Variants in BRAP observed in about 807,000 individuals in gnomAD.
BRAP encodes the protein BRCA1 associated protein.
Under a neutral mutation model 73.4 loss-of-function variants are expected in BRAP, and 42 were observed. The observed-to-expected ratio is 0.57, with a 90% confidence interval of 0.45 to 0.74. The LOEUF (loss-of-function observed/expected upper bound fraction) is 0.74, where lower values mean the gene tolerates loss of function less well. BRAP is among the 30% of genes least tolerant of loss of function. The pLI is 0.00. For missense variants in BRAP, 593 were observed against 751.4 expected (o/e 0.79, Z 2.46); for synonymous variants, 255 against 267.4 (o/e 0.95, Z 0.45).
chr12:111,663,631 T>A (rs1458204141), intron 6 of BRAP, among the ~76,000 whole-genome samples: 1 of 152,134 alleles, frequency 6.6e-6, no homozygotes, highest in Non-Finnish European at 1.5e-5. Flanking sequence ...TGAGTACCCC[T>A]GGTTGGGGAT....
chr12:111,659,416 G>C, intron 7 of BRAP, 71 bp from the exon 8 acceptor site: 1 of 1,452,706 alleles, frequency 6.9e-7, no homozygotes, highest in Non-Finnish European at 9.3e-7. Flanking sequence ...ATGGCTCGGA[G>C]GCCGAGGCAG....
In BRAP at chr12:111,653,905, T is replaced by C. The variant is rs1290003988; in HGVS notation, c.1311+1661A>G. Among the ~76,000 whole-genome samples, 3 of 152,362 alleles carry C rather than the reference T, an allele frequency of 2.0e-5. No homozygotes were observed. In the East Asian group the frequency reaches 5.8e-4, roughly 29 times the overall value. On this transcript the variant is annotated intron_variant, in intron 10 of 11. Coordinates refer to ENST00000419234, the MANE Select transcript of BRAP (RefSeq NM_006768.5). ...TTTAGAGCTGCTCTGGCTTCCATTT[T>C]ACCCTGACCTAAAAGCAAACATAAG...
intron 9 of BRAP, 89 bp downstream of exon 9, chr12:111,658,647 T>A (rs1195681666): frequency 5.6e-6 from 6 of 1,078,346 alleles, no homozygotes; most frequent in Admixed American, 5.1e-5. Flanking sequence ...AAAAAAAAAA[T>A]GTACATCCAG....
chr12:111,681,229 G>A (rs1239507818), intron 3 of BRAP, among the ~76,000 whole-genome samples: 1 of 152,076 alleles, frequency 6.6e-6, no homozygotes, highest in Non-Finnish European at 1.5e-5. Flanking sequence ...AATTAGCTAG[G>A]TGTGGTGGTG....
rs1343986667 is a variant in BRAP at position 111,685,864 on chromosome 12, G to A, written c.-72C>T. 7.6e-6 allele frequency: 9 copies of A among 1,177,868 alleles called. No individual in the cohort carries two copies. In the South Asian group the frequency reaches 1.6e-4, roughly 21 times the overall value. 73.0% of individuals were successfully genotyped at this position (1,177,868 alleles called of 1,614,324 possible). A position where few individuals can be genotyped will look rare whatever the true frequency, so the allele number is the denominator to read the frequency against. ...TGGAAGGCGAGCCGAGAGGCCGAGCGGCCCGGGGCCGGCAGCGCCGCCACC... is the reference window on the plus strand; with the variant it reads ...TGGAAGGCGAGCCGAGAGGCCGAGCAGCCCGGGGCCGGCAGCGCCGCCACC... On this transcript the variant is annotated 5_prime_UTR_variant, in exon 1 of 12. Coordinates refer to ENST00000419234, the MANE Select transcript of BRAP (RefSeq NM_006768.5).
intron 9 of BRAP, among the ~76,000 whole-genome samples, chr12:111,658,023 C>T (rs1198340550): frequency 6.6e-6 from 1 of 151,942 alleles, no homozygotes; most frequent in African/African-American, 2.4e-5. Context: ...ACTGCAACCC[C>T]TGCCTCCCAG....
chr12:111,661,441 A>G (rs10774634), intron 6 of BRAP, among the ~76,000 whole-genome samples: 54,451 of 151,670 alleles, frequency 0.36, 14,290 homozygotes, highest in East Asian at 0.9. Flanking sequence ...CACCACGCCC[A>G]GCTAATTTTG....
chr12:111,669,949 G>A (rs1446023352), intron 5 of BRAP: 1 of 629,410 alleles, frequency 1.6e-6, no homozygotes, highest in East Asian at 3.0e-5. Flanking sequence ...TATTGAAGGA[G>A]TTTGGTCCAG....
chr12:111,658,809 T>A lies in BRAP; in HGVS notation c.1148A>T (p.Asp383Val), dbSNP rs1170745971. ...ACATTCATACTGTACTATTTTTCCA[T>A]CTGTTTTACTTGCAACCAGTCGATG... is the stretch of plus-strand genomic sequence containing the variant. ...YVHRLVASKT[D>V]GKIVQYECEG... is the part of the protein sequence containing the mutation. The change falls in exon 9 of 12, where the codon GAT (aspartate) becomes GTT (valine). Residue 383 changes from aspartate to valine, a missense_variant. Asp to Val is a radical substitution (Grantham distance 152). This residue lies in a region of BRAP where 143 missense variants were observed against 190.4 expected (regional missense o/e 0.75). Coordinates refer to ENST00000419234, the MANE Select transcript of BRAP (RefSeq NM_006768.5). 1 of 1,612,876 alleles carries A rather than the reference T, an allele frequency of 6.2e-7. No homozygotes were observed. The highest frequency in any genetic ancestry group is 1.7e-5 in the Admixed American group (1 of 59,964).
At position 111,672,761 on chromosome 12, in the gene BRAP, C is replaced by T. The variant is rs765670841; in HGVS notation, c.647G>A (p.Ser216Asn). The T allele has an allele frequency of 6.2e-7, 1 of 1,613,942 alleles. No individual in the cohort carries two copies. The highest frequency in any genetic ancestry group is 8.5e-7 in the Non-Finnish European group (1 of 1,179,968). ...IKFRAQADAD[S>N]FYMTCNGRQF... The stretch of plus-strand genomic sequence containing the variant: ...GCGGCCATTGCATGTCATATAAAAA[C>T]TATCCGCATCAGCCTATGTACACCA... The change falls in exon 5 of 12, where the codon AGT becomes AAT. Residue 216 changes from serine to asparagine, a missense_variant. Physicochemically the swap from Ser to Asn is conservative, Grantham distance 46. This residue lies in a region of BRAP where 304 missense variants were observed against 337.7 expected (regional missense o/e 0.90). Transcript: ENST00000419234.
In BRAP at chr12:111,665,504, G is replaced by A; in HGVS notation, c.896+135C>T. The stretch of plus-strand genomic sequence containing the variant: ...TCAGAATGCCGATTCCCTGAACTTA[G>A]GAAAGGGAAGGAGAAAAAGGACCTC... On this transcript the variant is annotated intron_variant, in intron 6 of 11. Transcript: ENST00000419234. This position sits in a 1 kb window ranked among gnomAD's most constrained non-coding sequence, Gnocchi z 4.3. 4 of 1,275,792 alleles carry A rather than the reference G, an allele frequency of 3.1e-6. No individual in the cohort carries two copies. 79.0% of individuals were successfully genotyped at this position (1,275,792 alleles called of 1,614,324 possible). A position where few individuals can be genotyped will look rare whatever the true frequency, so the allele number is the denominator to read the frequency against.
At chr12:111,647,977 A>G (rs988261188) in intron 11 of BRAP, among the ~76,000 whole-genome samples, 9 of 151,300 alleles carry the variant, frequency 5.9e-5, no homozygotes, top group Non-Finnish European at 8.8e-5. Flanking sequence ...CTGAGGTGGG[A>G]GGATCACCTG....
chr12:111,672,723 T>C lies in BRAP; in HGVS notation c.685A>G (p.Ile229Val), dbSNP rs749296955. 3.7e-6 allele frequency: 6 copies of C among 1,614,148 alleles called. No individual in the cohort carries two copies. Among genetic ancestry groups the C allele is most frequent in the South Asian group, 3.3e-5 (3 of 91,082 alleles). ...MTCNGRQFNS[I>V]EDDVCQLVYV... is the part of the protein sequence containing the mutation. ...ACTAGCTGGCAAACGTCATCTTCTA[T>C]TGAGTTGAACTGGCGGCCATTGCAT... The change falls in exon 5 of 12, where the codon ATA becomes GTA. Residue 229 changes from isoleucine (I) to valine (V), a missense_variant. Ile to Val is a conservative substitution (Grantham distance 29, BLOSUM62 3). Coordinates refer to ENST00000419234, the MANE Select transcript of BRAP (RefSeq NM_006768.5).
intron 4 of BRAP, 71 bp downstream of exon 4, chr12:111,679,080 C>G (rs1887495668): frequency 1.8e-6 from 2 of 1,120,828 alleles, no homozygotes; most frequent in Non-Finnish European, 2.4e-6. Context: ...AAATCACACA[C>G]AGCTATCATA....
At chr12:111,666,797 C>T (rs1886961625) in intron 5 of BRAP, among the ~76,000 whole-genome samples, 2 of 152,180 alleles carry the variant, frequency 1.3e-5, no homozygotes, top group South Asian at 4.1e-4. Flanking sequence ...CATTAACCTA[C>T]AGTCCCTGAA....
chr12:111,679,537 C>T (rs909664193), intron 3 of BRAP, among the ~76,000 whole-genome samples, 197 bp from the exon 4 acceptor site: 3 of 152,050 alleles, frequency 2.0e-5, no homozygotes, highest in African/African-American at 2.4e-5. Flanking sequence ...AATCTGCATT[C>T]GGTAAATTTG....
intron 10 of BRAP, 100 bp from the exon 11 acceptor site, chr12:111,650,142 C>T: frequency 1.4e-6 from 1 of 691,948 alleles, no homozygotes; most frequent in Non-Finnish European, 2.2e-6. Context: ...CTGTATATAA[C>T]TTTGACAAAC....
chr12:111,670,281 T>C (rs1361716013), intron 5 of BRAP: 5 of 582,956 alleles, frequency 8.6e-6, no homozygotes, highest in Non-Finnish European at 1.7e-5. Context: ...GAAACAGTTT[T>C]AGTTTTCACA....
chr12:111,658,659 T>A, intron 9 of BRAP, 77 bp downstream of exon 9: 4 of 1,185,346 alleles, frequency 3.4e-6, no homozygotes, highest in Admixed American at 2.3e-5. Context: ...TACATCCAGG[T>A]AAATGACAAA....
Sources: allele counts gnomAD v4.1 joint callset (sites outside exome capture counted in the v4.1 genomes callset), GRCh38; gene constraint gnomAD v4.1.1; regional missense constraint gnomAD v4.1.1; non-coding constraint Gnocchi (gnomAD v3.1); transcripts MANE v1.5; gene names NCBI Gene and HGNC (gene_info 2026-07-23, HGNC 2026-07-21).